The following UBXN2B variants were observed in gnomAD, a reference collection of about 807,000 sequenced individuals.
UBXN2B encodes UBX domain-containing protein 2B.
Under a neutral mutation model 37.5 loss-of-function variants are expected in UBXN2B, and 19 were observed. That is an observed-to-expected ratio of 0.51 (90% confidence interval 0.35 to 0.74). The LOEUF is 0.74. UBXN2B is among the 30% of genes least tolerant of loss of function. The pLI is 0.01. For missense variants in UBXN2B, 370 were observed against 393.2 expected (o/e 0.94, Z 0.50); for synonymous variants, 145 against 143.8 (o/e 1.01, Z -0.06).
Position 58,448,110 on chromosome 8 carries a change from C to T in UBXN2B, c.*559C>T, listed in dbSNP as rs377434938. 25 of 151,372 alleles carry T rather than the reference C, an allele frequency of 1.7e-4. No homozygotes were observed. The East Asian group carries it at 4.6e-3, about 28-fold the overall frequency. 9.4% of individuals were successfully genotyped at this position (151,372 alleles called of 1,614,324 possible). On this transcript the variant is annotated 3_prime_UTR_variant, in exon 8 of 8. Coordinates refer to ENST00000399598, the MANE Select transcript of UBXN2B (RefSeq NM_001077619.2). ...CTAGTATCAGAAACTACAGTTTTGC[C>T]TTGTATTTTACAGAATTATGACTGT... is the stretch of plus-strand genomic sequence containing the variant.
At chr8:58,433,068 T>C in intron 3 of UBXN2B, 92 bp from the exon 4 acceptor site, 4 of 1,047,768 alleles carry the variant, frequency 3.8e-6, no homozygotes, top group Non-Finnish European at 5.6e-6. Flanking sequence ...TTTGGCTAAT[T>C]AGAATTAATC....
intron 2 of UBXN2B, among the ~76,000 whole-genome samples, chr8:58,419,788 T>C (rs539881212): frequency 2.0e-5 from 3 of 152,340 alleles, no homozygotes; most frequent in Non-Finnish European, 2.9e-5. Context: ...AGCAGAACTT[T>C]AGTAGCTTAG....
intron 1 of UBXN2B, among the ~76,000 whole-genome samples, chr8:58,412,184 A>G (rs1337960312): frequency 6.6e-6 from 1 of 152,238 alleles, no homozygotes. Context: ...TTTGACAAGT[A>G]AATATCAGTA....
intron 7 of UBXN2B, 91 bp from the exon 8 acceptor site, chr8:58,447,298 A>C: frequency 8.1e-7 from 1 of 1,241,194 alleles, no homozygotes; most frequent in Non-Finnish European, 1.1e-6. Flanking sequence ...ATAAAGATTA[A>C]AATTTTGTGA....
chr8:58,434,726 A>G (rs1808369431), intron 5 of UBXN2B: 2 of 1,374,378 alleles, frequency 1.5e-6, no homozygotes, highest in Non-Finnish European at 1.9e-6. Context: ...GGCATTGGAC[A>G]TTGGCCCATT....
At position 58,430,652 on chromosome 8, in the gene UBXN2B, G is replaced by A. The variant is rs544408955; in HGVS notation, c.322G>A (p.Gly108Ser). Residue 108 changes from glycine to serine, a missense_variant, in exon 3 of 8, where the codon GGT becomes AGT. Coordinates refer to ENST00000399598, the MANE Select transcript of UBXN2B (RefSeq NM_001077619.2). ...TCTGAATGAAGCCACAAGAGCTTCA[G>A]GTGATGATAAATCTAAGGTCAGTGC... Reference protein sequence around the residue: ...VPLNEATRASGDDKSKSFTGG... With the variant: ...VPLNEATRASSDDKSKSFTGG... The A allele has an allele frequency of 1.3e-6, 2 of 1,569,160 alleles. No individual in the cohort carries two copies. Among genetic ancestry groups the A allele is most frequent in the Non-Finnish European group, 1.7e-6 (2 of 1,157,436 alleles).
intron 1 of UBXN2B, among the ~76,000 whole-genome samples, chr8:58,415,309 A>G (rs936783266): frequency 1.3e-5 from 2 of 152,258 alleles, no homozygotes; most frequent in South Asian, 4.1e-4. Context: ...TAATTCATAA[A>G]GCTGACATAA....
chr8:58,431,073 C>A (rs1458777150), intron 3 of UBXN2B, among the ~76,000 whole-genome samples: 1 of 152,214 alleles, frequency 6.6e-6, no homozygotes, highest in African/African-American at 2.4e-5. Flanking sequence ...AATCACCCAA[C>A]TGAAACTCTC....
rs1042621538 is a variant in UBXN2B, at chr8:58,449,606, A to G, written c.*2055A>G. The G allele has an allele frequency of 1.3e-5, 2 of 152,230 alleles. No homozygotes were observed. The highest frequency in any genetic ancestry group is 2.9e-5 in the Non-Finnish European group (2 of 68,046). 9.4% of individuals were successfully genotyped at this position (152,230 alleles called of 1,614,324 possible). On this transcript the variant is annotated 3_prime_UTR_variant, in exon 8 of 8. Coordinates refer to ENST00000399598, the MANE Select transcript of UBXN2B (RefSeq NM_001077619.2). ...GACAGGCAGACAATAATAGTTACAC[A>G]CGTTCCTGTTCAAAAAGCAGAAACA...
chr8:58,426,561 G>A, intron 2 of UBXN2B: 2 of 752,762 alleles, frequency 2.7e-6, no homozygotes, highest in South Asian at 2.7e-5. Context: ...AACAAAAAGT[G>A]TGAAGTCTCC....
At chr8:58,440,465 A>G (rs1304184606) in intron 6 of UBXN2B, among the ~76,000 whole-genome samples, 4 of 152,228 alleles carry the variant, frequency 2.6e-5, no homozygotes, top group African/African-American at 9.6e-5. Flanking sequence ...TATCTGAGAC[A>G]TTTCCAAAGA....
chr8:58,433,438 A>G (rs967568279), intron 4 of UBXN2B, among the ~76,000 whole-genome samples, 195 bp downstream of exon 4: 3 of 152,076 alleles, frequency 2.0e-5, no homozygotes, highest in Non-Finnish European at 4.4e-5. Flanking sequence ...TTGCACTTAG[A>G]GATATGGAAC....
At chr8:58,442,615 C>G (rs1808576811) in intron 6 of UBXN2B, among the ~76,000 whole-genome samples, 1 of 152,050 alleles carries the variant, frequency 6.6e-6, no homozygotes, top group Non-Finnish European at 1.5e-5. Context: ...TTACATAGTA[C>G]CCTCACATAA....
chr8:58,445,763 G>T (rs1259897625), intron 6 of UBXN2B, 144 bp from the exon 7 acceptor site: 5 of 657,090 alleles, frequency 7.6e-6, no homozygotes, highest in Admixed American at 4.1e-5. Flanking sequence ...AGAATCGTAG[G>T]ATCCAAAATA....
chr8:58,446,905 C>G (rs1285823563), intron 7 of UBXN2B, among the ~76,000 whole-genome samples: 1 of 144,792 alleles, frequency 6.9e-6, no homozygotes, highest in Non-Finnish European at 1.5e-5. Context: ...TCAAGCAATT[C>G]TCATGCTCAG....
intron 2 of UBXN2B, among the ~76,000 whole-genome samples, chr8:58,428,014 GAGA>G (rs1023754359): frequency 8.5e-5 from 13 of 152,270 alleles, no homozygotes; most frequent in East Asian, 5.8e-4. Context: ...CAGCGAAAGG[GAGA>G]AGAAGGATAG....
rs1363357558 is a variant in UBXN2B, at chr8:58,424,757, C to G, written c.189-5762C>G. The G allele has an allele frequency of 4.9e-6, 7 of 1,425,982 alleles. No homozygotes were observed. The Admixed American group carries it at 8.4e-5, about 17-fold the overall frequency. The allele number at this position is 1,425,982 out of a possible 1,614,324, so 88.3% of individuals were successfully genotyped here. A position where few individuals can be genotyped will look rare whatever the true frequency, so the allele number is the denominator to read the frequency against. On this transcript the variant is annotated intron_variant, in intron 2 of 7. Coordinates refer to ENST00000399598, the MANE Select transcript of UBXN2B (RefSeq NM_001077619.2). ...TACTTAATATTTGTATATTCATGAC[C>G]TTTCCTCTTGCTTTTCTGCTCTTCT...
chr8:58,430,002 C>CTAA (rs566984985), intron 2 of UBXN2B, among the ~76,000 whole-genome samples: 148 of 152,230 alleles, frequency 9.7e-4, no homozygotes, highest in African/African-American at 3.3e-3. Context: ...AACGCAGGGG[C>CTAA]TTTTAAGGGA....
At chr8:58,415,442 C>G (rs993855386) in intron 1 of UBXN2B, among the ~76,000 whole-genome samples, 7 of 151,892 alleles carry the variant, frequency 4.6e-5, no homozygotes, top group Non-Finnish European at 8.8e-5. Context: ...TCTCTCTCCT[C>G]TATCATTTGT....
Sources: gnomAD v4.1 joint callset for allele counts (sites outside exome capture counted in the v4.1 genomes callset) on GRCh38, gnomAD v4.1.1 for gene constraint, MANE v1.5 for transcripts, NCBI Gene and HGNC (gene_info 2026-07-23, HGNC 2026-07-21) for gene names.